Variants in ARB2A observed in about 807,000 individuals in gnomAD.
The protein encoded by ARB2A is cotranscriptional regulator ARB2A.
the ARB2A span, among the ~76,000 whole-genome samples, chr5:93,703,608 A>C: frequency 6.6e-6 from 1 of 152,216 alleles, no homozygotes; most frequent in Non-Finnish European, 1.5e-5. Flanking sequence ...GCAGAATGGA[A>C]GGTAAAACTA....
the ARB2A span, among the ~76,000 whole-genome samples, chr5:93,957,876 A>G: frequency 6.6e-6 from 1 of 151,962 alleles, no homozygotes; most frequent in Non-Finnish European, 1.5e-5. Flanking sequence ...TAAAGCCTAC[A>G]TGGACACATA....
the ARB2A span, among the ~76,000 whole-genome samples, chr5:93,770,339 C>G: frequency 1.2e-3 from 189 of 152,244 alleles, no homozygotes; most frequent in African/African-American, 4.4e-3. Flanking sequence ...GACAAACCCA[C>G]AGCCAATATC....
the ARB2A span, among the ~76,000 whole-genome samples, chr5:93,680,668 G>A: frequency 1.3e-5 from 2 of 152,094 alleles, no homozygotes; most frequent in South Asian, 2.1e-4. Context: ...ATGATGGTAA[G>A]ACAAAGGTTA....
the ARB2A span, among the ~76,000 whole-genome samples, chr5:93,906,012 ATAT>A: frequency 2.6e-5 from 4 of 151,666 alleles, no homozygotes; most frequent in East Asian, 7.7e-4. Context: ...TTTCATTTTG[ATAT>A]TATTTACATT....
the ARB2A span, among the ~76,000 whole-genome samples, chr5:93,853,522 C>A: frequency 6.6e-6 from 1 of 152,144 alleles, no homozygotes; most frequent in African/African-American, 2.4e-5. Context: ...GAGAGGGCAT[C>A]CCTGTCTTGT....
chr5:93,620,017 T>A, the ARB2A span: 2 of 152,204 alleles, frequency 1.3e-5, no homozygotes, highest in East Asian at 3.8e-4. Context: ...CCAGGAAAGC[T>A]CAGAATAGAT....
chr5:94,092,786 T>C, the ARB2A span, among the ~76,000 whole-genome samples: 1 of 152,132 alleles, frequency 6.6e-6, no homozygotes, highest in Non-Finnish European at 1.5e-5. Context: ...ATATATCTAA[T>C]AGTTTAAGTT....
At chr5:93,708,019 C>G in the ARB2A span, among the ~76,000 whole-genome samples, 285 of 152,270 alleles carry the variant, frequency 1.9e-3, 1 homozygote, top group Non-Finnish European at 8.2e-4. Flanking sequence ...TATGAATGCC[C>G]ATATGCCTTT....
At chr5:94,038,882 C>T in the ARB2A span, among the ~76,000 whole-genome samples, 6 of 151,282 alleles carry the variant, frequency 4.0e-5, no homozygotes, top group African/African-American at 1.5e-4. Context: ...CTTAAGTCTT[C>T]AATCTTGAGC....
At chr5:93,630,629 A>G in the ARB2A span, among the ~76,000 whole-genome samples, 1 of 152,108 alleles carries the variant, frequency 6.6e-6, no homozygotes, top group East Asian at 1.9e-4. Flanking sequence ...GTGGGGGCGC[A>G]GTGGAACTTG....
chr5:93,930,867 C>T, the ARB2A span, among the ~76,000 whole-genome samples: 25 of 152,192 alleles, frequency 1.6e-4, no homozygotes, highest in African/African-American at 5.1e-4. Context: ...AAGTGCAGAA[C>T]GTGTAGGTTT....
the ARB2A span, among the ~76,000 whole-genome samples, chr5:93,897,843 A>ATACAAAATG: frequency 6.6e-6 from 1 of 151,902 alleles, no homozygotes; most frequent in Non-Finnish European, 1.5e-5. Context: ...AAAAAGGACA[A>ATACAAAATG]TACAAAATGT....
At chr5:93,852,669 A>G in the ARB2A span, among the ~76,000 whole-genome samples, 2 of 152,160 alleles carry the variant, frequency 1.3e-5, no homozygotes, top group Non-Finnish European at 2.9e-5. Flanking sequence ...AGCTTTCTAC[A>G]TATGGCTAGC....
At chr5:94,017,052 A>C in the ARB2A span, among the ~76,000 whole-genome samples, 5 of 152,222 alleles carry the variant, frequency 3.3e-5, no homozygotes, top group Non-Finnish European at 7.3e-5. Flanking sequence ...ACTTTGGAAG[A>C]ATATGAGAAG....
chr5:93,721,594 T>C, the ARB2A span, among the ~76,000 whole-genome samples: 1 of 152,210 alleles, frequency 6.6e-6, no homozygotes, highest in African/African-American at 2.4e-5. Context: ...GGGTTTGTTA[T>C]CATGCTAGGT....
the ARB2A span, among the ~76,000 whole-genome samples, chr5:93,767,450 A>G: frequency 5.9e-5 from 9 of 152,132 alleles, no homozygotes; most frequent in Non-Finnish European, 1.2e-4. Context: ...TACAGCCACT[A>G]TGGAAAACAA....
the ARB2A span, chr5:93,683,643 G>A: frequency 2.6e-6 from 4 of 1,564,450 alleles, no homozygotes; most frequent in Admixed American, 1.7e-5. Context: ...CATCTTTGTC[G>A]GCCTTTAGTT....
At chr5:94,071,712 A>C in the ARB2A span, among the ~76,000 whole-genome samples, 1 of 152,138 alleles carries the variant, frequency 6.6e-6, no homozygotes, top group Non-Finnish European at 1.5e-5. Flanking sequence ...TAGTAATAAT[A>C]CCAAATGCTG....
chr5:93,977,666 G>C, the ARB2A span, among the ~76,000 whole-genome samples: 1 of 152,040 alleles, frequency 6.6e-6, no homozygotes, highest in Non-Finnish European at 1.5e-5. Flanking sequence ...AAAAATCCTA[G>C]AAGAGAACCT....
Sources: allele counts gnomAD v4.1 joint callset (sites outside exome capture counted in the v4.1 genomes callset), GRCh38; gene constraint gnomAD v4.1.1; transcripts MANE v1.5; gene names NCBI Gene and HGNC (gene_info 2026-07-23, HGNC 2026-07-21).